SEC16B: variants seen among roughly 807,000 people sequenced by gnomAD.
The protein encoded by SEC16B is protein transport protein Sec16B.
Under a neutral mutation model 141.8 loss-of-function variants are expected in SEC16B, and 115 were observed. The observed-to-expected ratio is 0.81, with a 90% CI of 0.70 to 0.95. The LOEUF is 0.95. SEC16B is among the 40% of genes least tolerant of loss of function. The pLI is 0.00. For synonymous variants in SEC16B, 493 were observed against 492.5 expected (o/e 1.00, Z -0.01); for missense variants, 1,291 against 1,312.3 (o/e 0.98, Z 0.25).
chr1:177,967,512 C>T (rs1653628188), intron 2 of SEC16B, among the ~76,000 whole-genome samples, 171 bp downstream of exon 2: 1 of 151,898 alleles, frequency 6.6e-6, no homozygotes, highest in South Asian at 2.1e-4. Flanking sequence ...TATCTTCAGT[C>T]ATCAAAAACA....
At chr1:177,972,114 C>T (rs1457592428), upstream of SEC16B, among the ~76,000 whole-genome samples, 2 of 152,164 alleles carry the variant, frequency 1.3e-5, no homozygotes, top group Non-Finnish European at 2.9e-5. Flanking sequence ...ATTCTAAATG[C>T]TTATTTTGTG....
In SEC16B at chr1:177,936,752, C is replaced by T. The variant is rs144251408; in HGVS notation, c.2504-387G>A. ...CCACCATCTCCCTGGCATCACTCAG[C>T]ATTGCTTACCCATACTCAGCCCTTG... On this transcript the variant is annotated intron_variant, in intron 19 of 25. Coordinates refer to ENST00000308284, the MANE Select transcript of SEC16B (RefSeq NM_033127.4). Among the ~76,000 whole-genome samples, 285 of 152,292 alleles carry T rather than the reference C, an allele frequency of 1.9e-3. 3 individuals are homozygous for T. The highest frequency in any genetic ancestry group is 6.4e-3 in the African/African-American group (268 of 41,564).
At chr1:177,971,477 A>G (rs10158853), upstream of SEC16B, 49,881 of 152,070 alleles carry the variant, frequency 0.33, 9,588 homozygotes, top group African/African-American at 0.52. Flanking sequence ...ACTAGAGAAG[A>G]ACATGCACAT....
chr1:177,939,598 C>T, intron 18 of SEC16B, 104 bp downstream of exon 18: 2 of 983,644 alleles, frequency 2.0e-6, no homozygotes, highest in Non-Finnish European at 1.6e-6. Context: ...GCAAGGCAGG[C>T]ACCCTGGGAA....
chr1:177,939,187 C>G (rs667546), intron 18 of SEC16B, among the ~76,000 whole-genome samples: 142,837 of 152,300 alleles, frequency 0.94, 66,971 homozygotes, highest in East Asian at 0.99. Context: ...AAAGGGTACA[C>G]AGTTAACCAG....
chr1:177,962,415 T>C (rs1653148677), intron 5 of SEC16B, among the ~76,000 whole-genome samples: 1 of 151,380 alleles, frequency 6.6e-6, no homozygotes, highest in African/African-American at 2.4e-5. Context: ...CTCCAGGTAC[T>C]GTGCTTTCCC....
At chr1:177,971,468 C>A (rs1214059848), upstream of SEC16B, 1 of 151,794 alleles carries the variant, frequency 6.6e-6, no homozygotes, top group African/African-American at 2.4e-5. Context: ...GGAAGAGGAA[C>A]TAGAGAAGAA....
Position 177,968,002 on chromosome 1 carries a change from C to G in SEC16B, c.-21G>C, listed in dbSNP as rs1230565688. The G allele has an allele frequency of 6.3e-7, 1 of 1,577,348 alleles. No homozygotes were observed. The highest frequency in any genetic ancestry group is 8.6e-7 in the Non-Finnish European group (1 of 1,157,646). ...TCCATCCTTGACTCTCTGAATTTGT[C>G]CTGGGTTTTGAGTAAGTTGTGCAGT... On this transcript the variant is annotated 5_prime_UTR_variant, in exon 2 of 26. Coordinates refer to ENST00000308284, the MANE Select transcript of SEC16B (RefSeq NM_033127.4).
At chr1:177,981,042 A>G (rs1654389518) in intron 1 of SEC16B, among the ~76,000 whole-genome samples, 1 of 151,880 alleles carries the variant, frequency 6.6e-6, no homozygotes. Context: ...GGACAAGAAG[A>G]GTGGAGTGTA....
intron 12 of SEC16B, among the ~76,000 whole-genome samples, chr1:177,949,422 ACACACAC>A (rs1427544514): frequency 1.4e-4 from 20 of 142,058 alleles, no homozygotes; most frequent in African/African-American, 5.1e-4. Flanking sequence ...ACACACACAC[ACACACAC>A]AAAGAAAAAC....
intron 20 of SEC16B, among the ~76,000 whole-genome samples, chr1:177,934,982 C>G (rs1447746307): frequency 6.6e-6 from 1 of 152,064 alleles, no homozygotes; most frequent in Non-Finnish European, 1.5e-5. Context: ...CTCCCTACTG[C>G]TCCCCACTCT....
At chr1:177,954,504 A>G in intron 10 of SEC16B, 128 bp from the exon 11 acceptor site, 2 of 676,528 alleles carry the variant, frequency 3.0e-6, no homozygotes, top group South Asian at 3.6e-5. Flanking sequence ...AGCCTCATAT[A>G]AGAATGTGAA....
chr1:177,930,523 C>T (rs1412260095), intron 25 of SEC16B, 22 bp downstream of exon 25: 2 of 1,579,866 alleles, frequency 1.3e-6, no homozygotes, highest in Non-Finnish European at 8.7e-7. Flanking sequence ...TGGCCAGCCC[C>T]TCCCCCTGAG....
intron 12 of SEC16B, among the ~76,000 whole-genome samples, chr1:177,949,756 C>T (rs1479793311): frequency 6.6e-6 from 1 of 152,102 alleles, no homozygotes; most frequent in East Asian, 1.9e-4. Context: ...TTGTGTGAAA[C>T]CCACGTCTGT....
chr1:177,943,692 G>C (rs964970410), intron 15 of SEC16B, among the ~76,000 whole-genome samples: 4 of 152,222 alleles, frequency 2.6e-5, no homozygotes. Flanking sequence ...TCAGTGGGGG[G>C]CCCTGGATTC....
At position 177,937,236 on chromosome 1, in the gene SEC16B, C is replaced by A; in HGVS notation, c.2481G>T (p.Met827Ile). ...TACCAGGGCCCAGGTGTGTCTGCAG[C>A]ATTTCCTCCCAGACTGTTCCTCCAG... ...EATGGTVWEE[M>I]LQTHLGPGEN... The change falls in exon 19 of 26, where the codon ATG becomes ATT. Residue 827 changes from methionine to isoleucine, a missense_variant. By Grantham distance (10) the Met-to-Ile change is conservative. This residue lies in a region of SEC16B where 605 missense variants were observed against 614.1 expected (regional missense o/e 0.99). Transcript: ENST00000308284. 6.2e-7 allele frequency: 1 copy of A among 1,613,182 alleles called. No individual in the cohort carries two copies. The highest frequency in any genetic ancestry group is 1.1e-5 in the South Asian group (1 of 90,982).
At chr1:177,938,963 G>A (rs2101914075) in intron 18 of SEC16B, among the ~76,000 whole-genome samples, 1 of 152,340 alleles carries the variant, frequency 6.6e-6, no homozygotes, top group African/African-American at 2.4e-5. Flanking sequence ...TGGGCACCAA[G>A]GCATCAGGAG....
chr1:177,979,889 A>G (rs1654334593), intron 1 of SEC16B, among the ~76,000 whole-genome samples: 1 of 152,160 alleles, frequency 6.6e-6, no homozygotes, highest in Admixed American at 6.5e-5. Flanking sequence ...AGAGCATGGG[A>G]AAGACTTGCC....
intron 25 of SEC16B, among the ~76,000 whole-genome samples, chr1:177,930,173 A>G (rs1212049603): frequency 1.3e-5 from 2 of 152,220 alleles, no homozygotes; most frequent in Non-Finnish European, 2.9e-5. Flanking sequence ...TTGCTGAGGA[A>G]CAGGGAACTT....
Sources: gnomAD v4.1 joint callset for allele counts (sites outside exome capture counted in the v4.1 genomes callset) on GRCh38, gnomAD v4.1.1 for gene constraint, gnomAD v4.1.1 regional missense constraint, MANE v1.5 for transcripts, NCBI Gene and HGNC (gene_info 2026-07-23, HGNC 2026-07-21) for gene names.